Variants in AFF2 observed in about 807,000 individuals in gnomAD.
The protein encoded by AFF2 is AF4/FMR2 family member 2.
Under a neutral mutation model 76.9 loss-of-function variants are expected in AFF2, and 14 were observed. The ratio of observed to expected loss-of-function variants is 0.18; its 90% CI spans 0.12 to 0.28. The LOEUF (loss-of-function observed/expected upper bound fraction) is 0.28. Among genes scored for constraint, AFF2 ranks in the 10% least tolerant of loss-of-function variants. The pLI is 1.00. For synonymous variants in AFF2, 398 were observed against 366.7 expected, an observed-to-expected ratio of 1.09 and a Z score of -0.98; for missense variants, 868 against 1,001.1, an observed-to-expected ratio of 0.87 and a Z score of 1.79.
chrX:148,618,605 A>T (rs782483296), intron 1 of AFF2, among the ~76,000 whole-genome samples: 2 of 111,287 alleles, frequency 1.8e-5, no homozygotes, highest in Non-Finnish European at 3.8e-5. Context: ...GATTGAATGG[A>T]TCTAATTTAA....
rs1413076030 is a variant in AFF2, at chrX:148,500,640, C to A, written c.-458C>A. ...CCGCCGCCGCCTGTGCAGCCGCTGC[C>A]GCCGCCGCCGCCGCCGCCGCCGCCG... On this transcript the variant is annotated 5_prime_UTR_variant, in exon 1 of 21. Coordinates refer to ENST00000370460, the MANE Select transcript of AFF2 (RefSeq NM_002025.4). The A allele has an allele frequency of 1.2e-5, 1 of 80,010 alleles. No homozygotes were observed. Among genetic ancestry groups the A allele is most frequent in the South Asian group, 6.2e-4 (1 of 1,611 alleles). The allele number at this position is 80,010 out of a possible 1,213,427, so 6.6% of individuals were successfully genotyped here.
At chrX:148,762,508 GTA>G (rs1557267410) in intron 3 of AFF2, among the ~76,000 whole-genome samples, 2 of 106,434 alleles carry the variant, frequency 1.9e-5, no homozygotes, top group African/African-American at 7.2e-5. Context: ...GTGTGTGTGT[GTA>G]TATAACATTT....
intron 1 of AFF2, among the ~76,000 whole-genome samples, chrX:148,508,431 A>G (rs1319375029): frequency 9.0e-6 from 1 of 111,668 alleles, no homozygotes; most frequent in Non-Finnish European, 1.9e-5. Flanking sequence ...TTGAAATCTC[A>G]GCTTTAACAA....
At position 148,701,014 on chromosome X, in the gene AFF2, G is replaced by GAGAGAA. The variant is rs1451473016; in HGVS notation, c.1041+38246_1041+38247insAGAGAA. On this transcript the variant is annotated intron_variant, in intron 3 of 20. Transcript: ENST00000370460. ...AGAGAGAGAGAGAGAGAGAGAGAATGTGTGTGTGTGTGTGTGTGTGTGTGT... is the reference window on the plus strand; with the variant it reads ...AGAGAGAGAGAGAGAGAGAGAGAATGAGAGAATGTGTGTGTGTGTGTGTGTGTGTGT... Among the ~76,000 whole-genome samples the GAGAGAA allele has an allele frequency of 4.7e-3, 438 of 92,289 alleles. 1 individual carries two copies. The highest frequency in any genetic ancestry group is 0.018 in the African/African-American group (421 of 23,483). 80.1% of individuals were successfully genotyped at this position (92,289 alleles called of 115,157 possible).
intron 7 of AFF2, among the ~76,000 whole-genome samples, chrX:148,879,093 T>C (rs2124122312): frequency 8.9e-6 from 1 of 112,015 alleles, no homozygotes; most frequent in Non-Finnish European, 1.9e-5. Context: ...TAGATTTGGC[T>C]TGTGTATACA....
intron 4 of AFF2, among the ~76,000 whole-genome samples, chrX:148,833,616 T>A (rs868971913): frequency 1.0e-5 from 1 of 97,655 alleles, no homozygotes; most frequent in Non-Finnish European, 2.1e-5. Context: ...AAAAAAAAAA[T>A]AAAAAATAAA....
At chrX:148,713,640 G>T (rs782172087) in intron 3 of AFF2, among the ~76,000 whole-genome samples, 1 of 111,996 alleles carries the variant, frequency 8.9e-6, no homozygotes, top group South Asian at 3.7e-4. Flanking sequence ...CTAATTATAG[G>T]CATCTCTATC....
intron 3 of AFF2, among the ~76,000 whole-genome samples, chrX:148,755,235 T>G (rs2055547711): frequency 8.9e-6 from 1 of 112,497 alleles, no homozygotes; most frequent in African/African-American, 3.2e-5. Context: ...CGTTTGTCAC[T>G]TTTGTTTTCA....
At position 148,993,184 on chromosome X, in the gene AFF2, G is replaced by C. The variant is rs1557292526; in HGVS notation, c.*1852G>C. Reference sequence around the variant, plus strand: ...GCCATGTTGTTAATATGGCTGATGGGAGCATCCCTGCAGCTGAACCCAGCA... The same window carrying C: ...GCCATGTTGTTAATATGGCTGATGGCAGCATCCCTGCAGCTGAACCCAGCA... On this transcript the variant is annotated 3_prime_UTR_variant, in exon 21 of 21. Transcript: ENST00000370460. The C allele has an allele frequency of 8.9e-6, 1 of 112,753 alleles. No homozygotes were observed. The highest frequency in any genetic ancestry group is 3.2e-5 in the African/African-American group (1 of 30,908). The allele number at this position is 112,753 out of a possible 1,213,427, so 9.3% of individuals were successfully genotyped here. A position where few individuals can be genotyped will look rare whatever the true frequency, so the allele number is the denominator to read the frequency against.
chrX:148,732,641 G>A (rs192299053), intron 3 of AFF2, among the ~76,000 whole-genome samples: 3 of 107,253 alleles, frequency 2.8e-5, no homozygotes, highest in East Asian at 3.0e-4. Context: ...GTGATTTTGG[G>A]GTAAGTCACT....
At chrX:148,708,752 A>G (rs1415691833) in intron 3 of AFF2, among the ~76,000 whole-genome samples, 2 of 112,468 alleles carry the variant, frequency 1.8e-5, no homozygotes, top group African/African-American at 3.2e-5. Flanking sequence ...GACAAATGCT[A>G]CATTAATGTT....
intron 1 of AFF2, among the ~76,000 whole-genome samples, chrX:148,634,250 A>G (rs1198467875): frequency 1.2e-4 from 13 of 111,740 alleles, no homozygotes; most frequent in African/African-American, 3.9e-4. Context: ...CATCATCTCT[A>G]TGGTTGCAAT....
At chrX:148,808,038 T>C (rs1322106956) in intron 3 of AFF2, among the ~76,000 whole-genome samples, 1 of 112,451 alleles carries the variant, frequency 8.9e-6, no homozygotes, top group African/African-American at 3.2e-5. Flanking sequence ...GTTGGGAATG[T>C]ACTTTATTAA....
At chrX:148,706,101 A>G (rs192914092) in intron 3 of AFF2, among the ~76,000 whole-genome samples, 1 of 112,011 alleles carries the variant, frequency 8.9e-6, no homozygotes, top group East Asian at 2.8e-4. Context: ...TATTTATTCT[A>G]GCTTCTGATA....
chrX:148,735,427 T>C (rs1273731955), intron 3 of AFF2, among the ~76,000 whole-genome samples: 3 of 112,023 alleles, frequency 2.7e-5, no homozygotes, highest in Non-Finnish European at 5.6e-5. Context: ...GGTTCTACCA[T>C]ATAGTTTATC....
intron 9 of AFF2, among the ~76,000 whole-genome samples, chrX:148,926,976 T>C (rs1003859063): frequency 1.8e-5 from 2 of 112,151 alleles, no homozygotes; most frequent in Admixed American, 9.4e-5. Context: ...TATTTTCAGA[T>C]TTTCCAACCC....
At chrX:148,922,154 T>C (rs974980747) in intron 9 of AFF2, among the ~76,000 whole-genome samples, 2 of 111,751 alleles carry the variant, frequency 1.8e-5, no homozygotes, top group Admixed American at 1.9e-4. Flanking sequence ...TTTCCCTGTT[T>C]TTCAGCATAT....
intron 13 of AFF2, among the ~76,000 whole-genome samples, chrX:148,964,582 G>A (rs1355980886): frequency 8.9e-6 from 1 of 111,886 alleles, no homozygotes; most frequent in South Asian, 3.8e-4. Context: ...GAGGTCCCTG[G>A]AGTAGTTAAA....
At chrX:148,932,113 T>A (rs782413867) in intron 9 of AFF2, among the ~76,000 whole-genome samples, 2 of 112,054 alleles carry the variant, frequency 1.8e-5, no homozygotes, top group Non-Finnish European at 3.8e-5. Context: ...GAGGAATAGA[T>A]GAGACATTCT....
Sources: gnomAD v4.1 joint callset for allele counts (sites outside exome capture counted in the v4.1 genomes callset) on GRCh38, gnomAD v4.1.1 for gene constraint, MANE v1.5 for transcripts, NCBI Gene and HGNC (gene_info 2026-07-23, HGNC 2026-07-21) for gene names.